Variants in LGALS3 observed in about 807,000 individuals in gnomAD.
LGALS3 encodes galectin 3.
Under a neutral mutation model 20.7 loss-of-function variants are expected in LGALS3, and 18 were observed. The observed-to-expected ratio is 0.87, with a 90% CI of 0.60 to 1.29. LGALS3 has a LOEUF of 1.29. LGALS3 is among the 50% of genes most tolerant of loss of function. The pLI, the probability that LGALS3 is intolerant of heterozygous loss-of-function variation, is 0.00. For synonymous variants in LGALS3, 112 were observed against 119.6 expected (o/e 0.94, Z 0.42); for missense variants, 315 against 314.7 (o/e 1.00, Z -0.01).
intron 2 of LGALS3, 146 bp from the exon 3 acceptor site, chr14:55,137,899 A>G (rs1222725677): frequency 2.3e-6 from 3 of 1,332,038 alleles, no homozygotes; most frequent in Non-Finnish European, 1.9e-6. Context: ...AACTCAAACT[A>G]TTAATAAGTG....
chr14:55,132,910 G>A (rs1284189597), intron 1 of LGALS3, among the ~76,000 whole-genome samples: 3 of 152,112 alleles, frequency 2.0e-5, no homozygotes, highest in African/African-American at 7.2e-5. Flanking sequence ...GGAAGTTGAC[G>A]GGGCATACCC....
At chr14:55,143,208 C>A (rs1250328110) in intron 5 of LGALS3, among the ~76,000 whole-genome samples, 1 of 152,154 alleles carries the variant, frequency 6.6e-6, no homozygotes, top group Admixed American at 6.5e-5. Context: ...CACAAAGTTG[C>A]AATTCGATGA....
intron 2 of LGALS3, 95 bp downstream of exon 2, chr14:55,137,486 C>T (rs1229674394): frequency 7.4e-6 from 12 of 1,612,908 alleles, no homozygotes; most frequent in Non-Finnish European, 8.5e-6. Context: ...TTTTCACTCT[C>T]CCACTGCGTG....
chr14:55,140,942 G>T (rs1199520074), intron 4 of LGALS3, among the ~76,000 whole-genome samples: 1 of 152,174 alleles, frequency 6.6e-6, no homozygotes, highest in African/African-American at 2.4e-5. Context: ...CACTGGTTAT[G>T]TAGTACTTAC....
chr14:55,129,480 G>A lies in LGALS3; in HGVS notation c.-5+180G>A, dbSNP rs1881162992. ...GAGCGGGGCGGCGGGCAGCGATCTG[G>A]GCCCGGGGCAGTCGCCTTTGATTAT... On this transcript the variant is annotated intron_variant, in intron 1 of 5. Coordinates refer to ENST00000254301, the MANE Select transcript of LGALS3 (RefSeq NM_002306.4). This position sits in a 1 kb window ranked among gnomAD's most constrained non-coding sequence, Gnocchi z 5.3. 6.6e-6 allele frequency among the ~76,000 whole-genome samples: 1 copy of A among 152,118 alleles called. No individual in the cohort carries two copies. The highest frequency in any genetic ancestry group is 1.5e-5 in the Non-Finnish European group (1 of 67,996).
At chr14:55,132,320 T>A (rs868197091) in intron 1 of LGALS3, among the ~76,000 whole-genome samples, 2 of 152,018 alleles carry the variant, frequency 1.3e-5, no homozygotes, top group South Asian at 4.2e-4. Flanking sequence ...TTTTTTCCCC[T>A]CTGACTGTTC....
At chr14:55,135,542 A>G (rs930079472) in intron 1 of LGALS3, among the ~76,000 whole-genome samples, 1 of 151,720 alleles carries the variant, frequency 6.6e-6, no homozygotes, top group Middle Eastern at 3.4e-3. Context: ...TTTACCAAAA[A>G]TAAGGTAATA....
At chr14:55,137,422 G>A (rs1881438900) in intron 2 of LGALS3, 31 bp downstream of exon 2, 1 of 1,614,174 alleles carries the variant, frequency 6.2e-7, no homozygotes, top group South Asian at 1.1e-5. Context: ...TCTTCCCCTT[G>A]ATCAGCTCCA....
intron 1 of LGALS3, among the ~76,000 whole-genome samples, chr14:55,136,873 T>C (rs1302530078): frequency 6.8e-6 from 1 of 146,966 alleles, no homozygotes; most frequent in Non-Finnish European, 1.5e-5. Context: ...TGGGCTCAAT[T>C]GTTTTGAGTT....
chr14:55,140,238 ACTC>A, intron 3 of LGALS3, 34 bp from the exon 4 acceptor site: 1 of 1,333,884 alleles, frequency 7.5e-7, no homozygotes, highest in Middle Eastern at 1.8e-4. Context: ...AAGAAACATG[ACTC>A]CTTATTGACA....
intron 5 of LGALS3, chr14:55,143,424 C>A: frequency 2.6e-6 from 1 of 380,730 alleles, no homozygotes; most frequent in South Asian, 1.9e-5. Flanking sequence ...TACTTAATAG[C>A]ACTTTTTTTT....
At chr14:55,144,574 GT>G (rs1004691422) in intron 5 of LGALS3, among the ~76,000 whole-genome samples, 2 of 151,624 alleles carry the variant, frequency 1.3e-5, no homozygotes, top group East Asian at 1.9e-4. Context: ...GTTGCTTTTT[GT>G]TTTTTTGAGA....
At chr14:55,135,618 G>A (rs1881370753) in intron 1 of LGALS3, among the ~76,000 whole-genome samples, 1 of 138,878 alleles carries the variant, frequency 7.2e-6, no homozygotes, top group African/African-American at 2.8e-5. Context: ...AGGCTGGAGT[G>A]CAGTGGTGCC....
intron 1 of LGALS3, among the ~76,000 whole-genome samples, chr14:55,130,757 G>GGGGGGGGGGTCCCTC: frequency 1.3e-5 from 2 of 149,476 alleles, no homozygotes; most frequent in Non-Finnish European, 3.0e-5. Flanking sequence ...TGGTGGTGGG[G>GGGGGGGGGGTCCCTC]GGGGGGGGGT....
chr14:55,144,387 G>A (rs541511488), intron 5 of LGALS3, among the ~76,000 whole-genome samples: 12 of 152,140 alleles, frequency 7.9e-5, no homozygotes, highest in Non-Finnish European at 1.3e-4. Flanking sequence ...CTCAAGATCC[G>A]CCCGCCTTTG....
intron 4 of LGALS3, among the ~76,000 whole-genome samples, chr14:55,140,888 A>G (rs1881600021): frequency 1.3e-5 from 2 of 152,352 alleles, no homozygotes; most frequent in Admixed American, 6.5e-5. Flanking sequence ...AGGAAAATAC[A>G]TGCTAATTAT....
intron 1 of LGALS3, among the ~76,000 whole-genome samples, chr14:55,136,467 A>G (rs914197257): frequency 2.0e-5 from 3 of 152,126 alleles, no homozygotes; most frequent in Middle Eastern, 6.8e-3. Flanking sequence ...TCACATTTCC[A>G]TGGATGCATC....
At position 55,142,710 on chromosome 14, in the gene LGALS3, A is replaced by C; in HGVS notation, c.558A>C (p.Arg186Ser). ...KLDNNWGREE[R>S]QSVFPFESGK... Reference sequence around the variant, plus strand: ...ATAATAACTGGGGAAGGGAAGAAAGACAGTCGGTTTTCCCATTTGAAAGTG... The same window carrying C: ...ATAATAACTGGGGAAGGGAAGAAAGCCAGTCGGTTTTCCCATTTGAAAGTG... Residue 186 changes from arginine (R) to serine (S), a missense_variant, in exon 5 of 6, where the codon AGA becomes AGC. Coordinates refer to ENST00000254301, the MANE Select transcript of LGALS3 (RefSeq NM_002306.4). 1 of 1,613,924 alleles carries C rather than the reference A, an allele frequency of 6.2e-7. No individual in the cohort carries two copies. Among genetic ancestry groups the C allele is most frequent in the Non-Finnish European group, 8.5e-7 (1 of 1,179,784 alleles).
chr14:55,135,709 C>A (rs1881373261), intron 1 of LGALS3, among the ~76,000 whole-genome samples: 1 of 151,910 alleles, frequency 6.6e-6, no homozygotes, highest in Admixed American at 6.6e-5. Context: ...GGAACACAGG[C>A]ATGCGCCACC....
Sources: allele counts gnomAD v4.1 joint callset (sites outside exome capture counted in the v4.1 genomes callset), GRCh38; gene constraint gnomAD v4.1.1; non-coding constraint Gnocchi (gnomAD v3.1); transcripts MANE v1.5; gene names NCBI Gene and HGNC (gene_info 2026-07-23, HGNC 2026-07-21).